MTOR: variants seen among roughly 807,000 people sequenced by gnomAD.
The protein encoded by MTOR is mechanistic target of rapamycin kinase.
Under a neutral mutation model 319.8 loss-of-function variants are expected in MTOR, and 70 were observed. The observed-to-expected ratio is 0.22, with a 90% CI of 0.18 to 0.27. The LOEUF (loss-of-function observed/expected upper bound fraction) is 0.27, where lower values mean the gene tolerates loss of function less well. Ranked by LOEUF, MTOR falls within the 10% of genes least tolerant of loss-of-function variation. The pLI is 1.00. For missense variants in MTOR, 1,890 were observed against 3,274.4 expected (o/e 0.58, Z 10.32); for synonymous variants, 1,183 against 1,211.4 (o/e 0.98, Z 0.49).
chr1:11,137,762 T>C (rs1329895117), intron 36 of MTOR, among the ~76,000 whole-genome samples: 1 of 152,190 alleles, frequency 6.6e-6, no homozygotes, highest in Admixed American at 6.5e-5. Flanking sequence ...GTGTCTTGTC[T>C]AGGAAAACAT....
chr1:11,116,607 C>T (rs1317452173), intron 50 of MTOR, among the ~76,000 whole-genome samples: 2 of 152,118 alleles, frequency 1.3e-5, no homozygotes, highest in Non-Finnish European at 2.9e-5. Context: ...AATGAGCCTG[C>T]CCTGCAATAC....
chr1:11,257,378 T>TA (rs1650537520), intron 3 of MTOR, among the ~76,000 whole-genome samples: 2 of 42,856 alleles, frequency 4.7e-5, no homozygotes, highest in East Asian at 5.4e-4. Context: ...TCTACTAAGA[T>TA]ACAAAAAAAA....
chr1:11,124,955 C>T (rs1461221919), intron 46 of MTOR, among the ~76,000 whole-genome samples: 3 of 152,188 alleles, frequency 2.0e-5, no homozygotes, highest in South Asian at 2.1e-4. Flanking sequence ...TCCTACAAGC[C>T]GCATCACCTG....
intron 16 of MTOR, 149 bp from the exon 17 acceptor site, chr1:11,231,583 C>T (rs540966752): frequency 4.0e-5 from 39 of 969,038 alleles, no homozygotes; most frequent in Non-Finnish European, 4.8e-5. Context: ...GAGCAGAAAT[C>T]CCAAAAGGGC....
In MTOR at chr1:11,146,706, C is replaced by T. The variant is rs1643942119; in HGVS notation, c.4656G>A (p.Leu1552=). ...DGAFYRAVLA[L]HQDLFSLAQQ... Reference sequence around the variant, plus strand: ...GTGCCAAGGAGAAGAGGTCCTGATGCAGTGCCAGCACAGCTCTATAAAATG... The same window carrying T: ...GTGCCAAGGAGAAGAGGTCCTGATGTAGTGCCAGCACAGCTCTATAAAATG... Residue 1552 remains leucine, a synonymous_variant, in exon 32 of 58, where the codon CTG becomes CTA. Transcript: ENST00000361445. 6.2e-7 allele frequency: 1 copy of T among 1,613,940 alleles called. No homozygotes were observed. The highest frequency in any genetic ancestry group is 1.3e-5 in the African/African-American group (1 of 74,894).
In MTOR at chr1:11,234,285, A is replaced by T; in HGVS notation, c.2209-20T>A. 1 of 1,600,090 alleles carries T rather than the reference A, an allele frequency of 6.2e-7. No individual in the cohort carries two copies. On this transcript the variant is annotated intron_variant, in intron 13 of 57. Coordinates refer to ENST00000361445, the MANE Select transcript of MTOR (RefSeq NM_004958.4). Reference sequence around the variant, plus strand: ...CAAAATCTGTAGGGAAGAAAGGCTCATATGTTCTCTATGGCAGAAGACATT... The same window carrying T: ...CAAAATCTGTAGGGAAGAAAGGCTCTTATGTTCTCTATGGCAGAAGACATT...
chr1:11,115,271 C>T lies in MTOR; in HGVS notation c.7089+125G>A, dbSNP rs1181592458. The T allele has an allele frequency of 1.1e-6, 1 of 891,112 alleles. No individual in the cohort carries two copies. Among genetic ancestry groups the T allele is most frequent in the Non-Finnish European group, 1.8e-6 (1 of 541,024 alleles). The allele number at this position is 891,112 out of a possible 1,614,324, so 55.2% of individuals were successfully genotyped here. On this transcript the variant is annotated intron_variant, in intron 51 of 57. Coordinates refer to ENST00000361445, the MANE Select transcript of MTOR (RefSeq NM_004958.4). The surrounding 1 kb of genome is among the most constrained non-coding windows in gnomAD (Gnocchi z 4.5). Reference sequence around the variant, plus strand: ...ATTTCTTAGACTGACTTAACTACAGCCTTGGTAGGGCCAGCAGGGGTTAAG... The same window carrying T: ...ATTTCTTAGACTGACTTAACTACAGTCTTGGTAGGGCCAGCAGGGGTTAAG...
chr1:11,243,447 T>TG, intron 8 of MTOR, 147 bp from the exon 9 acceptor site: 2 of 724,544 alleles, frequency 2.8e-6, no homozygotes, highest in Non-Finnish European at 4.4e-6. Flanking sequence ...ATCCCAACAC[T>TG]TTGGGAGGCC....
intron 13 of MTOR, among the ~76,000 whole-genome samples, chr1:11,236,118 A>T (rs1647210794): frequency 1.3e-5 from 2 of 149,802 alleles, no homozygotes; most frequent in African/African-American, 2.5e-5. Flanking sequence ...TCTCATTAGG[A>T]GGTATTTCTT....
chr1:11,164,191 C>T lies in MTOR; in HGVS notation c.4329+3251G>A, dbSNP rs563815038. On this transcript the variant is annotated intron_variant, in intron 29 of 57. Transcript: ENST00000361445. ...AACCCCATCTCTATAAAAAATTAGC[C>T]GGGCTTGGTGGCGGGCGCCTGTAGT... 1.1e-4 allele frequency among the ~76,000 whole-genome samples: 16 copies of T among 151,816 alleles called. No individual in the cohort carries two copies. The South Asian group carries it at 1.7e-3, about 16-fold the overall frequency.
chr1:11,112,871 G>A lies in MTOR; in HGVS notation c.7347C>T (p.Tyr2449=). Residue 2449 remains tyrosine (Y), a synonymous_variant, in exon 54 of 58, where the codon TAC becomes TAT. Coordinates refer to ENST00000361445, the MANE Select transcript of MTOR (RefSeq NM_004958.4). ...ACCTACCGACTGACTGGCCAGCAGA[G>A]TAGGAATCCGTCCTCGTTCGGGATC... is the stretch of plus-strand genomic sequence containing the variant. ...NKRSRTRTDS[Y]SAGQSVEILD... The A allele has an allele frequency of 1.2e-6, 2 of 1,614,256 alleles. No homozygotes were observed. The highest frequency in any genetic ancestry group is 1.7e-6 in the Non-Finnish European group (2 of 1,180,048).
intron 26 of MTOR, among the ~76,000 whole-genome samples, chr1:11,202,349 A>G (rs1645998664): frequency 6.7e-6 from 1 of 149,716 alleles, no homozygotes; most frequent in Non-Finnish European, 1.5e-5. Flanking sequence ...TGAACCTGGG[A>G]AGTAGAGGTT....
chr1:11,206,667 G>C (rs1177307884), intron 25 of MTOR, among the ~76,000 whole-genome samples: 2 of 152,202 alleles, frequency 1.3e-5, no homozygotes, highest in African/African-American at 4.8e-5. Context: ...AGTCCCCCAT[G>C]TGGCCCTTTC....
intron 25 of MTOR, among the ~76,000 whole-genome samples, chr1:11,205,240 T>A (rs1646100263): frequency 6.6e-6 from 1 of 152,184 alleles, no homozygotes; most frequent in Admixed American, 6.5e-5. Context: ...CTCAAAACTC[T>A]GAACTCTCCA....
rs1162995660 is a variant in MTOR at position 11,204,643 on chromosome 1, T to C, written c.3862A>G (p.Ser1288Gly). ...DDWLEWLRRL[S>G]LELLKDSSSP... ...GATGAGTCCTTCAGCAGCTCCAGGC[T>C]CAGCCGTCTCAGCCATTCCAGCCAG... The change falls in exon 26 of 58, where the codon AGC (serine) becomes GGC (glycine). Residue 1288 changes from serine to glycine, a missense_variant. Transcript: ENST00000361445. 1 of 1,614,188 alleles carries C rather than the reference T, an allele frequency of 6.2e-7. No individual in the cohort carries two copies. Among genetic ancestry groups the C allele is most frequent in the Non-Finnish European group, 8.5e-7 (1 of 1,180,044 alleles).
chr1:11,181,485 A>G (rs949427664), intron 28 of MTOR, among the ~76,000 whole-genome samples: 1 of 152,140 alleles, frequency 6.6e-6, no homozygotes, highest in South Asian at 2.1e-4. Context: ...AGACCCCACC[A>G]CTACACTCAA....
At chr1:11,239,851 G>A (rs1451260602) in intron 11 of MTOR, among the ~76,000 whole-genome samples, 1 of 150,290 alleles carries the variant, frequency 6.7e-6, no homozygotes, top group Non-Finnish European at 1.5e-5. Context: ...GTTGCAGTGA[G>A]CTGAGATTGT....
intron 9 of MTOR, 109 bp from the exon 10 acceptor site, chr1:11,241,790 C>T: frequency 7.9e-7 from 1 of 1,257,944 alleles, no homozygotes. Context: ...AGGGCTACCA[C>T]AGATGGGTAT....
chr1:11,168,025 G>A (rs572031098), intron 28 of MTOR, among the ~76,000 whole-genome samples: 5 of 151,514 alleles, frequency 3.3e-5, no homozygotes, highest in South Asian at 4.2e-4. Context: ...AGCCGAGACC[G>A]TGCCACTGCA....
Sources: gnomAD v4.1 joint callset for allele counts (sites outside exome capture counted in the v4.1 genomes callset) on GRCh38, gnomAD v4.1.1 for gene constraint, Gnocchi (gnomAD v3.1) non-coding constraint, MANE v1.5 for transcripts, NCBI Gene and HGNC (gene_info 2026-07-23, HGNC 2026-07-21) for gene names.